The following CNTNAP3 variants were observed in gnomAD, a reference collection of about 807,000 sequenced individuals.
The protein encoded by CNTNAP3 is contactin-associated protein-like 3.
Under a neutral mutation model 92.1 loss-of-function variants are expected in CNTNAP3, and 36 were observed. The observed-to-expected ratio is 0.39, with a 90% CI of 0.30 to 0.52. The LOEUF (loss-of-function observed/expected upper bound fraction) is 0.52. Among genes scored for constraint, CNTNAP3 ranks in the 20% least tolerant of loss-of-function variants. CNTNAP3 has a pLI of 0.76. For missense variants in CNTNAP3, 534 were observed against 1,069.6 expected (o/e 0.50, Z 6.98); for synonymous variants, 232 against 422.3 (o/e 0.55, Z 5.53).
In CNTNAP3 at chr9:39,087,438, T is replaced by C. The variant is rs190527902; in HGVS notation, c.3221-589A>G. Reference sequence around the variant, plus strand: ...CCTACACAGATGTGCCCTCATTATCTGTAATTCTCTTTTAGTTTATACTAA... The same window carrying C: ...CCTACACAGATGTGCCCTCATTATCCGTAATTCTCTTTTAGTTTATACTAA... On this transcript the variant is annotated intron_variant, in intron 19 of 23. Transcript: ENST00000297668. Among the ~76,000 whole-genome samples the C allele has an allele frequency of 2.8e-3, 419 of 152,328 alleles. 1 individual carries two copies. The highest frequency in any genetic ancestry group is 9.5e-3 in the African/African-American group (394 of 41,576).
rs1825666696 is a variant in CNTNAP3 at position 39,073,168 on chromosome 9, A to G, written c.*722T>C. 1 of 155,846 alleles carries G rather than the reference A, an allele frequency of 6.4e-6. No individual in the cohort carries two copies. The allele number at this position is 155,846 out of a possible 1,614,324, so 9.7% of individuals were successfully genotyped here. On this transcript the variant is annotated 3_prime_UTR_variant, in exon 24 of 24. Transcript: ENST00000297668. ...TAAAATTTCATAGCTAACATTCAATATTAATTTCAACATTAAAATGTATCA... is the reference window on the plus strand; with the variant it reads ...TAAAATTTCATAGCTAACATTCAATGTTAATTTCAACATTAAAATGTATCA...
At chr9:39,114,507 C>CT (rs1363447906) in intron 14 of CNTNAP3, among the ~76,000 whole-genome samples, 2 of 152,158 alleles carry the variant, frequency 1.3e-5, no homozygotes, top group Non-Finnish European at 2.9e-5. Context: ...TCATCTTTGT[C>CT]TGACATAATA....
At chr9:39,147,750 G>C (rs1021894405) in intron 10 of CNTNAP3, among the ~76,000 whole-genome samples, 4 of 152,216 alleles carry the variant, frequency 2.6e-5, no homozygotes, top group Non-Finnish European at 5.9e-5. Flanking sequence ...TGTAACTCTT[G>C]GGACTTTAAG....
At chr9:39,119,636 C>A (rs10974154) in intron 13 of CNTNAP3, among the ~76,000 whole-genome samples, 1 of 151,826 alleles carries the variant, frequency 6.6e-6, no homozygotes, top group Non-Finnish European at 1.5e-5. Flanking sequence ...TTTTTAGAAA[C>A]AGTAGCAAAA....
chr9:39,075,655 C>A (rs1335903056), intron 23 of CNTNAP3, among the ~76,000 whole-genome samples: 2 of 148,966 alleles, frequency 1.3e-5, no homozygotes, highest in Non-Finnish European at 3.0e-5. Flanking sequence ...TACAAACACA[C>A]GTATTCCACT....
chr9:39,097,643 C>G (rs185225552), intron 18 of CNTNAP3, among the ~76,000 whole-genome samples: 330 of 150,812 alleles, frequency 2.2e-3, no homozygotes, highest in Non-Finnish European at 4.0e-3. Flanking sequence ...GGCACCCAAT[C>G]TTGGGGTAAT....
Position 39,087,204 on chromosome 9 carries a change from CTA to C in CNTNAP3, c.3221-357_3221-356del, listed in dbSNP as rs1362036788. ...TTGATATTTATGAAATGATGAAACT[CTA>C]TGCAATATTGTATCAACATTCAGTT... is the stretch of plus-strand genomic sequence containing the variant. On this transcript the variant is annotated intron_variant, in intron 19 of 23. Coordinates refer to ENST00000297668, the MANE Select transcript of CNTNAP3 (RefSeq NM_033655.5). Among the ~76,000 whole-genome samples, 3 of 152,282 alleles carry C rather than the reference CTA, an allele frequency of 2.0e-5. No individual in the cohort carries two copies. In the East Asian group the frequency reaches 5.8e-4, roughly 29 times the overall value.
intron 18 of CNTNAP3, among the ~76,000 whole-genome samples, chr9:39,099,373 C>A (rs926264106): frequency 1.3e-5 from 2 of 152,112 alleles, no homozygotes; most frequent in African/African-American, 4.8e-5. Context: ...TAATGACTGT[C>A]AATATTTAAA....
At chr9:39,149,599 G>A (rs886508167) in intron 10 of CNTNAP3, among the ~76,000 whole-genome samples, 1 of 151,496 alleles carries the variant, frequency 6.6e-6, no homozygotes, top group Admixed American at 6.6e-5. Context: ...CTCGTGATCC[G>A]CCAGCCTCAG....
chr9:39,089,369 G>C (rs1826138794), intron 18 of CNTNAP3, among the ~76,000 whole-genome samples: 1 of 152,242 alleles, frequency 6.6e-6, no homozygotes, highest in South Asian at 2.1e-4. Flanking sequence ...CATCCATCTT[G>C]TAGCATGTAT....
At position 39,068,538 on chromosome 9, in the gene CNTNAP3, C is replaced by T. The variant is rs1825562700; in HGVS notation, c.*5352G>A. On this transcript the variant is annotated 3_prime_UTR_variant, in exon 24 of 24. Coordinates refer to ENST00000297668, the MANE Select transcript of CNTNAP3 (RefSeq NM_033655.5). ...ATAATTTTTTAAAGGTTGATAAATG[C>T]CGCTGTAATTCTTTTGAGTGTTTCT... Among the ~76,000 whole-genome samples, 1 of 152,308 alleles carries T rather than the reference C, an allele frequency of 6.6e-6. No homozygotes were observed. Among genetic ancestry groups the T allele is most frequent in the Non-Finnish European group, 1.5e-5 (1 of 68,054 alleles).
At chr9:39,117,674 G>A (rs1007381512) in intron 14 of CNTNAP3, among the ~76,000 whole-genome samples, 5 of 152,156 alleles carry the variant, frequency 3.3e-5, no homozygotes, top group Non-Finnish European at 7.4e-5. Flanking sequence ...GGACCTCTCA[G>A]AGTTTCTTGT....
At chr9:39,114,001 CATAT>C (rs1336806919) in intron 14 of CNTNAP3, among the ~76,000 whole-genome samples, 2 of 142,702 alleles carry the variant, frequency 1.4e-5, no homozygotes, top group Admixed American at 6.9e-5. Flanking sequence ...TACACACACA[CATAT>C]ATATACACAC....
In CNTNAP3 at chr9:39,103,738, G is replaced by T. The variant is rs377094141; in HGVS notation, c.2536+6C>A. The T allele has an allele frequency of 1.9e-6, 3 of 1,609,872 alleles. No homozygotes were observed. In the African/African-American group the frequency reaches 4.0e-5, roughly 22 times the overall value. The stretch of plus-strand genomic sequence containing the variant: ...CCCTGTGACTTGTCCAGAGTGGCGA[G>T]CTTACCACGCAGCTCAATCCTGATG... On this transcript the variant is annotated splice_donor_region_variant and intron_variant, in intron 16 of 23. Coordinates refer to ENST00000297668, the MANE Select transcript of CNTNAP3 (RefSeq NM_033655.5).
chr9:39,090,694 A>T (rs1234707245), intron 18 of CNTNAP3, among the ~76,000 whole-genome samples: 2 of 152,292 alleles, frequency 1.3e-5, no homozygotes, highest in African/African-American at 4.8e-5. Flanking sequence ...GCATCATTTA[A>T]ATTTTCATAT....
At chr9:39,142,291 G>T (rs1402145347) in intron 11 of CNTNAP3, among the ~76,000 whole-genome samples, 1 of 152,162 alleles carries the variant, frequency 6.6e-6, no homozygotes, top group South Asian at 2.1e-4. Flanking sequence ...AAGATACACA[G>T]AAGTAAAAGA....
chr9:39,108,273 C>A (rs1428284597), intron 15 of CNTNAP3, among the ~76,000 whole-genome samples: 1 of 149,302 alleles, frequency 6.7e-6, no homozygotes, highest in Admixed American at 6.6e-5. Flanking sequence ...ACAAGCCGGT[C>A]CCCCCCCTCT....
Position 39,099,977 on chromosome 9 carries a change from C to G in CNTNAP3, c.2929G>C (p.Glu977Gln). ...TCACAGGTGACCCCCCTGCGTTTCT[C>G]TCTGCATCTCCCTCCATTGCGACAC... ...HLCRNGGRCR[E>Q]KRRGVTCDCA... is the part of the protein sequence containing the mutation. Residue 977 changes from glutamate (E) to glutamine (Q), a missense_variant, in exon 18 of 24, where the codon GAG becomes CAG. Coordinates refer to ENST00000297668, the MANE Select transcript of CNTNAP3 (RefSeq NM_033655.5). 1 of 1,603,426 alleles carries G rather than the reference C, an allele frequency of 6.2e-7. No individual in the cohort carries two copies. Among genetic ancestry groups the G allele is most frequent in the Non-Finnish European group, 8.5e-7 (1 of 1,175,312 alleles).
At chr9:39,089,343 T>G (rs1036420364) in intron 18 of CNTNAP3, among the ~76,000 whole-genome samples, 1 of 152,268 alleles carries the variant, frequency 6.6e-6, no homozygotes, top group Non-Finnish European at 1.5e-5. Flanking sequence ...TCACTTAGCA[T>G]GGTATTTTCA....
Sources: gnomAD v4.1 joint callset for allele counts (sites outside exome capture counted in the v4.1 genomes callset) on GRCh38, gnomAD v4.1.1 for gene constraint, MANE v1.5 for transcripts, NCBI Gene and HGNC (gene_info 2026-07-23, HGNC 2026-07-21) for gene names.